Variants in PITRM1 observed in about 807,000 individuals in gnomAD.
PITRM1 encodes pitrilysin metallopeptidase 1.
Under a neutral mutation model 129.9 loss-of-function variants are expected in PITRM1, and 100 were observed. That is an observed-to-expected ratio of 0.77 (90% CI 0.65 to 0.91). The LOEUF is 0.91. Ranked by LOEUF, PITRM1 falls within the 40% of genes least tolerant of loss-of-function variation. The pLI, the probability that PITRM1 is intolerant of heterozygous loss-of-function variation, is 0.00. For synonymous variants in PITRM1, 591 were observed against 508.8 expected (o/e 1.16, Z -2.17); for missense variants, 1,471 against 1,318.3 (o/e 1.12, Z -1.79).
At chr10:3,160,874 C>T (rs1009639697) in intron 7 of PITRM1, among the ~76,000 whole-genome samples, 4 of 152,148 alleles carry the variant, frequency 2.6e-5, no homozygotes, top group African/African-American at 9.7e-5. Context: ...GATTCTCCTG[C>T]CTCAGCCTCC....
At position 3,170,169 on chromosome 10, in the gene PITRM1, G is replaced by A. The variant is rs764082423; in HGVS notation, c.94C>T (p.Arg32Trp). 16 of 1,613,934 alleles carry A rather than the reference G, an allele frequency of 9.9e-6. No individual in the cohort carries two copies. Among genetic ancestry groups the A allele is most frequent in the Middle Eastern group, 1.6e-4 (1 of 6,062 alleles). The change falls in exon 2 of 27, where the codon CGG (arginine) becomes TGG (tryptophan). Residue 32 changes from arginine (R) to tryptophan (W), a missense_variant. Coordinates refer to ENST00000224949, the MANE Select transcript of PITRM1 (RefSeq NM_014889.4). ...HHRAWRWNSN[R>W]ACERALQYKL... ...TACTGCAGAGCCCTCTCACAAGCCC[G>A]GTTACTGTTCCATCGCCACGCTCTG...
chr10:3,154,594 T>C (rs1432705859), intron 14 of PITRM1, among the ~76,000 whole-genome samples: 2 of 152,238 alleles, frequency 1.3e-5, no homozygotes, highest in African/African-American at 4.8e-5. Context: ...ATTTCCCATG[T>C]AATGATTTAT....
chr10:3,152,716 G>A (rs1247131050), intron 14 of PITRM1, among the ~76,000 whole-genome samples: 2 of 152,230 alleles, frequency 1.3e-5, no homozygotes, highest in Non-Finnish European at 2.9e-5. Context: ...ACGCCACTCG[G>A]AGATTTTCTA....
chr10:3,165,113 G>T, intron 6 of PITRM1, 125 bp downstream of exon 6: 1 of 764,682 alleles, frequency 1.3e-6, no homozygotes. Flanking sequence ...ACTGACCCCA[G>T]CTAATTCAAG....
In PITRM1 at chr10:3,156,947, C is replaced by T. The variant is rs1286796431; in HGVS notation, c.1465G>A (p.Val489Ile). Residue 489 changes from valine (V) to isoleucine (I), a missense_variant, in exon 13 of 27, where the codon GTA becomes ATA. Transcript: ENST00000224949. ...TTTCTTACCTTAAAATACTGTTTTA[C>T]TTTTTCTTGCAAAAATTTTGGATTT... The part of the protein sequence containing the change: ...QENPKFLQEK[V>I]KQYFKNNQHK... 6.3e-7 allele frequency: 1 copy of T among 1,575,470 alleles called. No homozygotes were observed. Among genetic ancestry groups the T allele is most frequent in the Non-Finnish European group, 8.6e-7 (1 of 1,163,738 alleles).
At chr10:3,149,506 A>G (rs960272038) in intron 16 of PITRM1, 115 bp downstream of exon 16, 2 of 1,064,706 alleles carry the variant, frequency 1.9e-6, no homozygotes, top group East Asian at 2.6e-5. Context: ...ATACTTACAC[A>G]CTAACATTGT....
intron 7 of PITRM1, chr10:3,163,086 T>C (rs1360267753): frequency 6.6e-6 from 1 of 152,238 alleles, no homozygotes; most frequent in Non-Finnish European, 1.5e-5. Context: ...AAAGGATATC[T>C]ATTACATGAT....
intron 14 of PITRM1, among the ~76,000 whole-genome samples, chr10:3,153,271 C>T (rs112183941): frequency 5.9e-5 from 9 of 152,068 alleles, no homozygotes; most frequent in Admixed American, 1.3e-4. Flanking sequence ...GGCCAGGCCA[C>T]GAATATGAAG....
intron 18 of PITRM1, 28 bp downstream of exon 18, chr10:3,147,959 A>C: frequency 1.3e-6 from 2 of 1,537,884 alleles, no homozygotes; most frequent in Non-Finnish European, 1.8e-6. Context: ...ACACCCCAAG[A>C]ATGGACAACT....
At chr10:3,140,609 G>T in intron 24 of PITRM1, 78 bp downstream of exon 24, 6 of 1,354,832 alleles carry the variant, frequency 4.4e-6, no homozygotes, top group Non-Finnish European at 6.1e-6. Context: ...TGCAGTAGAA[G>T]AAAATGACAC....
intron 15 of PITRM1, among the ~76,000 whole-genome samples, chr10:3,150,262 A>G (rs759641357): frequency 6.6e-6 from 1 of 152,176 alleles, no homozygotes; most frequent in Non-Finnish European, 1.5e-5. Flanking sequence ...AGAGCACCCT[A>G]GACCAGCGGA....
rs1347136833 is a variant in PITRM1 at position 3,145,729 on chromosome 10, T to C, written c.2337-13A>G. ...ATTCACTGAACACCTGTTTGAAAAA[T>C]TATGTATACATAAAACCACTGTTAG... is the stretch of plus-strand genomic sequence containing the variant. On this transcript the variant is annotated splice_polypyrimidine_tract_variant and intron_variant, in intron 20 of 26. Coordinates refer to ENST00000224949, the MANE Select transcript of PITRM1 (RefSeq NM_014889.4). 1 of 1,536,716 alleles carries C rather than the reference T, an allele frequency of 6.5e-7. No homozygotes were observed. Among genetic ancestry groups the C allele is most frequent in the Non-Finnish European group, 8.8e-7 (1 of 1,134,242 alleles).
At chr10:3,172,662 G>T (rs74729011) in intron 1 of PITRM1, 55 bp downstream of exon 1, 3 of 1,495,252 alleles carry the variant, frequency 2.0e-6, no homozygotes, top group African/African-American at 1.4e-5. Flanking sequence ...GCCTGCCCTG[G>T]ACCCTCCCCT....
chr10:3,147,486 A>G lies in PITRM1; in HGVS notation c.2235+86T>C, dbSNP rs554707420. 3 of 1,414,870 alleles carry G rather than the reference A, an allele frequency of 2.1e-6. No homozygotes were observed. The East Asian group carries it at 6.8e-5, about 32-fold the overall frequency. The allele number at this position is 1,414,870 out of a possible 1,614,324, so 87.6% of individuals were successfully genotyped here. On this transcript the variant is annotated intron_variant, in intron 19 of 26. Transcript: ENST00000224949. The stretch of plus-strand genomic sequence containing the variant: ...GTTAGAAAGTTAGCATTTCTGGGAC[A>G]TAAATTAATGTATTCCCAAAGAAAT...
chr10:3,144,054 C>T (rs2131829551), intron 22 of PITRM1: 1 of 583,504 alleles, frequency 1.7e-6, no homozygotes, highest in East Asian at 2.9e-5. Flanking sequence ...AGACGCACCC[C>T]ATACCAGGGC....
At chr10:3,151,675 A>T (rs868732683) in intron 14 of PITRM1, among the ~76,000 whole-genome samples, 2 of 152,182 alleles carry the variant, frequency 1.3e-5, no homozygotes, top group Admixed American at 1.3e-4. Flanking sequence ...AAATAGATTC[A>T]ACTTGTTTTT....
chr10:3,152,213 C>CCA (rs1458314967), intron 14 of PITRM1, among the ~76,000 whole-genome samples: 1 of 152,226 alleles, frequency 6.6e-6, no homozygotes, highest in Non-Finnish European at 1.5e-5. Context: ...CTCCACTGAG[C>CCA]CACAGCCCAT....
Position 3,166,217 on chromosome 10 carries a change from T to C in PITRM1, c.418+12A>G, listed in dbSNP as rs1446749466. The C allele has an allele frequency of 6.3e-7, 1 of 1,598,396 alleles. No individual in the cohort carries two copies. The highest frequency in any genetic ancestry group is 1.3e-5 in the African/African-American group (1 of 74,444). On this transcript the variant is annotated intron_variant, in intron 4 of 26. Coordinates refer to ENST00000224949, the MANE Select transcript of PITRM1 (RefSeq NM_014889.4). ...ACCCAAAAGCAGTTTCTGTTCAGGA[T>C]GCTGGTCTTACCTGTGAAGGCGTTC... is the stretch of plus-strand genomic sequence containing the variant.
At chr10:3,165,187 G>T in intron 6 of PITRM1, 51 bp downstream of exon 6, 1 of 1,233,568 alleles carries the variant, frequency 8.1e-7, no homozygotes, top group Non-Finnish European at 1.1e-6. Context: ...TCATGATATT[G>T]TACATGGGAA....
Sources: allele counts gnomAD v4.1 joint callset (sites outside exome capture counted in the v4.1 genomes callset), GRCh38; gene constraint gnomAD v4.1.1; transcripts MANE v1.5; gene names NCBI Gene and HGNC (gene_info 2026-07-23, HGNC 2026-07-21).